Variants in MEIS2 observed in about 807,000 individuals in gnomAD.
MEIS2 encodes the protein homeobox protein Meis2.
A neutral mutation model predicts 58.6 loss-of-function variants in MEIS2; 9 were observed. The ratio of observed to expected loss-of-function variants is 0.15; its 90% confidence interval spans 0.09 to 0.27. The LOEUF (loss-of-function observed/expected upper bound fraction) is 0.27, where lower values mean the gene tolerates loss of function less well. MEIS2 is among the 10% of genes least tolerant of loss of function. The pLI is 1.00. For missense variants in MEIS2, 427 were observed against 635.0 expected (o/e 0.67, Z 3.52); for synonymous variants, 221 against 228.4 (o/e 0.97, Z 0.29).
intron 8 of MEIS2, among the ~76,000 whole-genome samples, chr15:36,966,369 A>G (rs918109259): frequency 1.3e-5 from 2 of 152,218 alleles, no homozygotes; most frequent in African/African-American, 4.8e-5. Context: ...CACATTCTCA[A>G]GGAATAATTT....
intron 9 of MEIS2, among the ~76,000 whole-genome samples, chr15:36,910,159 T>C (rs779237839): frequency 4.6e-5 from 7 of 152,048 alleles, no homozygotes; most frequent in Non-Finnish European, 1.0e-4. Context: ...TGAGCCGAGA[T>C]GGTGCCACTC....
rs775890981 is a variant in MEIS2, at chr15:37,093,639, C to A, written c.581G>T (p.Gly194Val). 31 of 1,614,184 alleles carry A rather than the reference C, an allele frequency of 1.9e-5. No homozygotes were observed. The South Asian group carries it at 3.4e-4, about 18-fold the overall frequency. The part of the protein sequence containing the change: ...PIDLVIDERD[G>V]SSKSDHEELS... The stretch of plus-strand genomic sequence containing the variant: ...TTCTTCATGATCTGACTTGGAGCTG[C>A]CGTCTCTTTCATCAATGACGAGGTC... Residue 194 changes from glycine to valine, a missense_variant, in exon 6 of 12, where the codon GGC (glycine) becomes GTC (valine). Around this residue, in one of 6 missense-constraint regions of MEIS2, gnomAD observed 138 missense variants for 263.0 expected, o/e 0.52. Coordinates refer to ENST00000561208, the MANE Select transcript of MEIS2 (RefSeq NM_170675.5).
chr15:36,913,069 A>C (rs1325718139), intron 9 of MEIS2, among the ~76,000 whole-genome samples: 1 of 152,174 alleles, frequency 6.6e-6, no homozygotes, highest in Non-Finnish European at 1.5e-5. Context: ...AATAACACAA[A>C]GGGTATATTT....
intron 9 of MEIS2, among the ~76,000 whole-genome samples, chr15:36,937,829 A>G (rs35933168): frequency 0.028 from 4,213 of 152,274 alleles, 80 homozygotes; most frequent in Non-Finnish European, 0.043. Flanking sequence ...TACCCTCACA[A>G]CTATGGAAAA....
At chr15:37,099,382 A>G in intron 1 of MEIS2, 73 bp downstream of exon 1, 1 of 1,603,924 alleles carries the variant, frequency 6.2e-7, no homozygotes, top group Non-Finnish European at 8.5e-7. Flanking sequence ...CGTTGAAGGG[A>G]GAGGAGGCAT....
chr15:36,893,106 G>A (rs1461463647), intron 11 of MEIS2, among the ~76,000 whole-genome samples: 1 of 152,106 alleles, frequency 6.6e-6, no homozygotes, highest in Non-Finnish European at 1.5e-5. Context: ...CCCAAATAAT[G>A]CCTTGATATT....
intron 1 of MEIS2, chr15:37,098,871 G>A: frequency 3.1e-6 from 3 of 979,942 alleles, no homozygotes; most frequent in Non-Finnish European, 3.6e-6. Flanking sequence ...AGGGAGCGGA[G>A]GGTGGGGGGG....
chr15:36,978,979 T>C (rs1432864334), intron 8 of MEIS2, among the ~76,000 whole-genome samples: 1 of 152,114 alleles, frequency 6.6e-6, no homozygotes, highest in African/African-American at 2.4e-5. Flanking sequence ...GAGGTAAAAA[T>C]AAAGGGCCAA....
At position 36,901,823 on chromosome 15, in the gene MEIS2, T is replaced by G. The variant is rs914792317; in HGVS notation, c.978-5137A>C. On this transcript the variant is annotated intron_variant, in intron 9 of 11. Transcript: ENST00000561208. ...TAAGTGATGGCCTTCTACTGTCTTC[T>G]TTCAATATTCTTACTTTCATCTAAT... Among the ~76,000 whole-genome samples the G allele has an allele frequency of 2.0e-5, 3 of 152,352 alleles. No individual in the cohort carries two copies. In the South Asian group the frequency reaches 6.2e-4, roughly 32 times the overall value.
chr15:36,916,810 G>A (rs1488679857), intron 9 of MEIS2, among the ~76,000 whole-genome samples: 1 of 152,072 alleles, frequency 6.6e-6, no homozygotes, highest in Non-Finnish European at 1.5e-5. Context: ...AACATTTATT[G>A]AGCTAGACAC....
chr15:36,929,282 G>A (rs1210119009), intron 9 of MEIS2, among the ~76,000 whole-genome samples: 1 of 152,220 alleles, frequency 6.6e-6, no homozygotes, highest in African/African-American at 2.4e-5. Flanking sequence ...GGAAGAAGTG[G>A]AGGAACCAGA....
In MEIS2 at chr15:36,893,962, T is replaced by C. The variant is rs535070668; in HGVS notation, c.1147+1189A>G. On this transcript the variant is annotated intron_variant, in intron 11 of 11. Coordinates refer to ENST00000561208, the MANE Select transcript of MEIS2 (RefSeq NM_170675.5). Reference sequence around the variant, plus strand: ...TGTCTTCAGCAAAGGATATATCTTGTTGGCAGACTCTGAATTTTTTTCAGA... The same window carrying C: ...TGTCTTCAGCAAAGGATATATCTTGCTGGCAGACTCTGAATTTTTTTCAGA... Among the ~76,000 whole-genome samples, 12 of 152,362 alleles carry C rather than the reference T, an allele frequency of 7.9e-5. No individual in the cohort carries two copies. In the South Asian group the frequency reaches 1.9e-3, roughly 24 times the overall value.
At chr15:36,954,823 T>C (rs1159648480) in intron 8 of MEIS2, among the ~76,000 whole-genome samples, 1 of 152,242 alleles carries the variant, frequency 6.6e-6, no homozygotes, top group East Asian at 1.9e-4. Flanking sequence ...GCGTGGAAAC[T>C]GATCATTATG....
intron 7 of MEIS2, among the ~76,000 whole-genome samples, chr15:37,038,875 G>A (rs1403606953): frequency 6.6e-6 from 1 of 152,182 alleles, no homozygotes; most frequent in Non-Finnish European, 1.5e-5. Context: ...ACGTGCACAC[G>A]CTTTCCACCA....
At chr15:37,030,760 A>G (rs1433629927) in intron 8 of MEIS2, among the ~76,000 whole-genome samples, 2 of 151,394 alleles carry the variant, frequency 1.3e-5, no homozygotes, top group African/African-American at 2.4e-5. Flanking sequence ...TCCACCTCAT[A>G]CTGCCAAGCA....
At chr15:37,072,585 G>A (rs767743553) in intron 7 of MEIS2, among the ~76,000 whole-genome samples, 8 of 151,984 alleles carry the variant, frequency 5.3e-5, no homozygotes, top group Admixed American at 2.0e-4. Context: ...ACACTTATGC[G>A]CCTTCGCGCT....
intron 6 of MEIS2, among the ~76,000 whole-genome samples, chr15:37,086,498 G>T (rs1892902663): frequency 6.6e-6 from 1 of 152,132 alleles, no homozygotes; most frequent in Non-Finnish European, 1.5e-5. Flanking sequence ...CAAATAAATT[G>T]GGTCTTTGGT....
At chr15:37,036,067 AT>A (rs199759962) in intron 8 of MEIS2, among the ~76,000 whole-genome samples, 6,648 of 152,288 alleles carry the variant, frequency 0.044, 218 homozygotes, top group Non-Finnish European at 0.069. Flanking sequence ...ATATATTGTA[AT>A]TTTTTTGTCA....
In MEIS2 at chr15:37,098,380, GAGAGAGA is replaced by G. The variant is rs1262463131; in HGVS notation, c.13-188_13-182del. The G allele has an allele frequency of 1.1e-4, 36 of 335,704 alleles. No homozygotes were observed. In the African/African-American group the frequency reaches 3.3e-3, roughly 30 times the overall value. 20.8% of individuals were successfully genotyped at this position (335,704 alleles called of 1,614,324 possible). On this transcript the variant is annotated intron_variant, in intron 1 of 11. Coordinates refer to ENST00000561208, the MANE Select transcript of MEIS2 (RefSeq NM_170675.5). ...AGGAGGAGGAAAAGGAGGAGAGGGG[GAGAGAGA>G]GAGAGAGAGAGAGAGAGAGAGAGAG...
Sources: gnomAD v4.1 joint callset for allele counts (sites outside exome capture counted in the v4.1 genomes callset) on GRCh38, gnomAD v4.1.1 for gene constraint, gnomAD v4.1.1 regional missense constraint, MANE v1.5 for transcripts, NCBI Gene and HGNC (gene_info 2026-07-23, HGNC 2026-07-21) for gene names.